Variants in EMG1 observed in about 807,000 individuals in gnomAD.
EMG1 encodes the protein EMG1 N1-specific pseudouridine methyltransferase.
Under a neutral mutation model 26.9 loss-of-function variants are expected in EMG1, and 24 were observed. The observed-to-expected ratio is 0.89, with a 90% CI of 0.65 to 1.26. The LOEUF is 1.26. EMG1 is among the 50% of genes most tolerant of loss of function. The pLI is 0.00. For missense variants in EMG1, 299 were observed against 307.6 expected (o/e 0.97, Z 0.21); for synonymous variants, 140 against 112.6 (o/e 1.24, Z -1.54).
At chr12:6,986,887 G>A (rs1201869508) in intron 6 of EMG1, among the ~76,000 whole-genome samples, 1 of 151,990 alleles carries the variant, frequency 6.6e-6, no homozygotes, top group Non-Finnish European at 1.5e-5. Flanking sequence ...GCTTAGGCGG[G>A]TGGGTCGCCT....
Position 6,977,775 on chromosome 12 carries a change from C to T in EMG1, c.*1966C>T, listed in dbSNP as rs1555153507. On this transcript the variant is annotated 3_prime_UTR_variant, in exon 6 of 6. Coordinates refer to ENST00000599672, the MANE Select transcript of EMG1 (RefSeq NM_006331.8). This position sits in a 1 kb window ranked among gnomAD's most constrained non-coding sequence, Gnocchi z 4.5. ...AGAAAAGGGTGGGTGGGGCGACCCT[C>T]AAACTGACTGGTCCTTGCATCCCGC... 1 of 1,612,986 alleles carries T rather than the reference C, an allele frequency of 6.2e-7. No homozygotes were observed. The highest frequency in any genetic ancestry group is 8.5e-7 in the Non-Finnish European group (1 of 1,179,590).
chr12:6,978,176 T>C lies in EMG1; in HGVS notation c.*2367T>C, dbSNP rs1193362153. 2.6e-6 allele frequency: 2 copies of C among 766,122 alleles called. No homozygotes were observed. Among genetic ancestry groups the C allele is most frequent in the African/African-American group, 1.9e-5 (1 of 52,286 alleles). The allele number at this position is 766,122 out of a possible 1,614,324, so 47.5% of individuals were successfully genotyped here. ...TTTTCAAATATGACAGTAATGGTTT[T>C]TTTGGGAGGGGGGTATAGGTGGGGG... On this transcript the variant is annotated 3_prime_UTR_variant, in exon 6 of 6. Coordinates refer to ENST00000599672, the MANE Select transcript of EMG1 (RefSeq NM_006331.8).
chr12:6,985,476 G>A (rs989408600), intron 6 of EMG1, among the ~76,000 whole-genome samples: 3 of 152,066 alleles, frequency 2.0e-5, no homozygotes, highest in Non-Finnish European at 4.4e-5. Flanking sequence ...CACTTTGGGA[G>A]GCTGAGGTGG....
downstream of EMG1, among the ~76,000 whole-genome samples, chr12:6,991,523 G>C (rs1946590457): frequency 6.6e-6 from 1 of 152,144 alleles, no homozygotes; most frequent in African/African-American, 2.4e-5. Flanking sequence ...TTTCACCATT[G>C]ATTTCAGCAG....
chr12:6,983,589 C>G, downstream of EMG1: 1 of 1,250,206 alleles, frequency 8.0e-7, no homozygotes, highest in Non-Finnish European at 1.2e-6. Flanking sequence ...TGGTGCCATC[C>G]CAGTTTGGTT....
At chr12:6,973,710 T>C (rs1946359680) in intron 1 of EMG1, among the ~76,000 whole-genome samples, 1 of 151,524 alleles carries the variant, frequency 6.6e-6, no homozygotes, top group Non-Finnish European at 1.5e-5. Context: ...GCCCGGCTAA[T>C]TTTTTATATT....
rs782581186 is a variant in EMG1, at chr12:6,977,794, A to G, written c.*1985A>G. On this transcript the variant is annotated 3_prime_UTR_variant, in exon 6 of 6. Transcript: ENST00000599672. The surrounding 1 kb of genome is among the most constrained non-coding windows in gnomAD (Gnocchi z 4.5). ...GACCCTCAAACTGACTGGTCCTTGC[A>G]TCCCGCCACCTGCCTCTGGGTCCTC... The G allele has an allele frequency of 6.2e-7, 1 of 1,608,958 alleles. No individual in the cohort carries two copies.
downstream of EMG1, among the ~76,000 whole-genome samples, chr12:6,982,432 A>G (rs1268113848): frequency 6.6e-6 from 1 of 152,226 alleles, no homozygotes. Context: ...AAAGAGCCTA[A>G]TGGCACAGTA....
intron 7 of EMG1, among the ~76,000 whole-genome samples, chr12:6,995,622 A>C (rs1946629869): frequency 6.6e-6 from 1 of 152,054 alleles, no homozygotes; most frequent in African/African-American, 2.4e-5. Context: ...ATTTGCAGTT[A>C]AAACCCTTAT....
chr12:6,985,219 G>A (rs1214111450), intron 6 of EMG1, among the ~76,000 whole-genome samples: 3 of 151,098 alleles, frequency 2.0e-5, no homozygotes, highest in African/African-American at 4.9e-5. Flanking sequence ...GTGAAACCCC[G>A]TCTCTACTAA....
Position 6,975,815 on chromosome 12 carries a change from G to C in EMG1, c.*6G>C. On this transcript the variant is annotated 3_prime_UTR_variant, in exon 6 of 6. Transcript: ENST00000599672. ...AAGTATGGGGGGTCATTTGACAGTA[G>C]TAGAACCTGTTCTGAAACCAGAAAC... 6.5e-7 allele frequency: 1 copy of C among 1,530,608 alleles called. No homozygotes were observed. Among genetic ancestry groups the C allele is most frequent in the South Asian group, 1.1e-5 (1 of 89,422 alleles). 94.8% of individuals were successfully genotyped at this position (1,530,608 alleles called of 1,614,324 possible). A position where few individuals can be genotyped will look rare whatever the true frequency, so the allele number is the denominator to read the frequency against.
At chr12:6,981,441 G>A (rs1555154051), downstream of EMG1, 3 of 804,076 alleles carry the variant, frequency 3.7e-6, no homozygotes, top group Non-Finnish European at 6.3e-6. Context: ...TAGATTTGTT[G>A]ATCCTTGCTC....
chr12:6,978,859 A>G lies in EMG1; in HGVS notation c.*3050A>G. ...GCCTTCACAATAGGCAGAGAGGAAT[A>G]AGCAGAGGGCCTGGAGAATATTCAT... On this transcript the variant is annotated 3_prime_UTR_variant, in exon 6 of 6. Coordinates refer to ENST00000599672, the MANE Select transcript of EMG1 (RefSeq NM_006331.8). 1 of 855,046 alleles carries G rather than the reference A, an allele frequency of 1.2e-6. No individual in the cohort carries two copies. The highest frequency in any genetic ancestry group is 1.8e-5 in the South Asian group (1 of 55,110). The allele number at this position is 855,046 out of a possible 1,614,324, so 53.0% of individuals were successfully genotyped here. A position where few individuals can be genotyped will look rare whatever the true frequency, so the allele number is the denominator to read the frequency against.
At chr12:6,975,631 C>T (rs1946387177) in intron 5 of EMG1, 65 bp from the exon 6 acceptor site, 1 of 1,164,700 alleles carries the variant, frequency 8.6e-7, no homozygotes, top group Non-Finnish European at 1.3e-6. Context: ...GTTTTCCTGC[C>T]CTAAAGAAGG....
Position 6,975,086 on chromosome 12 carries a change from C to T in EMG1, c.413-4C>T. Reference sequence around the variant, plus strand: ...AGCTCTGAACTCTTTTTTCCCCCTTCTAGTTCAACTTTTACACAAGCTCAG... The same window carrying T: ...AGCTCTGAACTCTTTTTTCCCCCTTTTAGTTCAACTTTTACACAAGCTCAG... On this transcript the variant is annotated splice_polypyrimidine_tract_variant and splice_region_variant and intron_variant, in intron 3 of 5. Coordinates refer to ENST00000599672, the MANE Select transcript of EMG1 (RefSeq NM_006331.8). 6.2e-7 allele frequency: 1 copy of T among 1,613,946 alleles called. No individual in the cohort carries two copies. The highest frequency in any genetic ancestry group is 1.3e-5 in the African/African-American group (1 of 75,050).
chr12:6,973,821 C>T (rs969081205), intron 1 of EMG1, among the ~76,000 whole-genome samples: 10 of 152,354 alleles, frequency 6.6e-5, no homozygotes, highest in East Asian at 3.9e-4. Flanking sequence ...GGATTACAGG[C>T]GTGAGCCACC....
chr12:6,988,101 T>C, intron 7 of EMG1: 1 of 290,438 alleles, frequency 3.4e-6, no homozygotes, highest in Non-Finnish European at 6.3e-6. Context: ...GCTTTCCTTA[T>C]GGACTTAGGC....
chr12:6,982,953 T>G, downstream of EMG1: 1 of 671,270 alleles, frequency 1.5e-6, no homozygotes. Flanking sequence ...ATAAAAAAGA[T>G]TATTAGGGTG....
At chr12:6,974,285 G>A (rs1026362189) in intron 1 of EMG1, 54 bp from the exon 2 acceptor site, 1 of 1,338,210 alleles carries the variant, frequency 7.5e-7, no homozygotes, top group Non-Finnish European at 1.1e-6. Flanking sequence ...AAGAACCACG[G>A]GGCTAGGTAA....
Sources: gnomAD v4.1 joint callset for allele counts (sites outside exome capture counted in the v4.1 genomes callset) on GRCh38, gnomAD v4.1.1 for gene constraint, Gnocchi (gnomAD v3.1) non-coding constraint, MANE v1.5 for transcripts, NCBI Gene and HGNC (gene_info 2026-07-23, HGNC 2026-07-21) for gene names.